Variants in MTCL2 observed in about 807,000 individuals in gnomAD.
MTCL2 encodes microtubule cross-linking factor 2.
chr20:36,811,748 G>A, the MTCL2 span, among the ~76,000 whole-genome samples: 1 of 152,102 alleles, frequency 6.6e-6, no homozygotes, highest in Non-Finnish European at 1.5e-5. Flanking sequence ...TAGAGAGTCT[G>A]ATCCATCAGC....
At chr20:36,859,974 A>G in the MTCL2 span, 6 of 1,170,856 alleles carry the variant, frequency 5.1e-6, no homozygotes, top group Non-Finnish European at 6.4e-6. Flanking sequence ...TAAACAACAC[A>G]ACACCTCCAG....
At chr20:36,786,094 A>G in the MTCL2 span, 1 of 985,572 alleles carries the variant, frequency 1.0e-6, no homozygotes, top group Non-Finnish European at 1.2e-6. Flanking sequence ...CATCTCTCCG[A>G]CTCCTTTTCC....
chr20:36,849,289 T>A, the MTCL2 span, among the ~76,000 whole-genome samples: 4 of 151,916 alleles, frequency 2.6e-5, no homozygotes, highest in African/African-American at 9.7e-5. Flanking sequence ...CTTGAACTCC[T>A]GACAGGTAAT....
the MTCL2 span, chr20:36,862,928 C>A: frequency 1.5e-6 from 2 of 1,364,598 alleles, no homozygotes; most frequent in South Asian, 1.5e-5. Context: ...CGCTGCTCAG[C>A]GCCAGCTCCA....
the MTCL2 span, chr20:36,794,140 G>A: frequency 7.0e-5 from 109 of 1,551,198 alleles, 1 homozygote; most frequent in Admixed American, 1.6e-4. This position sits in a 1 kb window ranked among gnomAD's most constrained non-coding sequence, Gnocchi z 5.4. Flanking sequence ...CTGAGCCTCC[G>A]TCCAGGCGCT....
the MTCL2 span, among the ~76,000 whole-genome samples, chr20:36,834,262 G>C: frequency 6.6e-6 from 1 of 152,170 alleles, no homozygotes; most frequent in African/African-American, 2.4e-5. Flanking sequence ...AGGAGGGTAG[G>C]AATGTCACCC....
chr20:36,785,609 GT>G, the MTCL2 span: 1 of 985,382 alleles, frequency 1.0e-6, no homozygotes, highest in South Asian at 4.7e-5. Flanking sequence ...GCCTCTCAGG[GT>G]GCCAGGGAAA....
the MTCL2 span, among the ~76,000 whole-genome samples, chr20:36,803,392 T>C: frequency 1.3e-5 from 2 of 152,174 alleles, no homozygotes; most frequent in African/African-American, 2.4e-5. Context: ...CTAGTGGTCA[T>C]TCCAGCAAGA....
At chr20:36,810,936 C>G in the MTCL2 span, among the ~76,000 whole-genome samples, 1 of 152,038 alleles carries the variant, frequency 6.6e-6, no homozygotes, top group East Asian at 1.9e-4. Context: ...TGCCCAGGCT[C>G]ATCTCGAACT....
chr20:36,810,086 G>T, the MTCL2 span: 1 of 1,597,778 alleles, frequency 6.3e-7, no homozygotes. Flanking sequence ...GCCTCAGCCA[G>T]CACCAGCTGC....
the MTCL2 span, chr20:36,780,467 T>C: frequency 1.3e-5 from 2 of 152,330 alleles, no homozygotes; most frequent in African/African-American, 2.4e-5. Flanking sequence ...ATCATTCTTT[T>C]AAAAAGGAAG....
At chr20:36,850,184 T>C in the MTCL2 span, among the ~76,000 whole-genome samples, 1 of 152,150 alleles carries the variant, frequency 6.6e-6, no homozygotes, top group African/African-American at 2.4e-5. Context: ...CCCACTCCCA[T>C]GGGACTCTGT....
chr20:36,827,932 C>T, the MTCL2 span, among the ~76,000 whole-genome samples: 1 of 152,182 alleles, frequency 6.6e-6, no homozygotes, highest in Non-Finnish European at 1.5e-5. Flanking sequence ...GGGCTAGCCA[C>T]CCTTAGCAGC....
At chr20:36,811,518 A>C in the MTCL2 span, among the ~76,000 whole-genome samples, 1 of 152,056 alleles carries the variant, frequency 6.6e-6, no homozygotes, top group Non-Finnish European at 1.5e-5. Flanking sequence ...AGTCCCACCT[A>C]ACTGGGAGGG....
the MTCL2 span, among the ~76,000 whole-genome samples, chr20:36,818,917 G>A: frequency 4.7e-3 from 711 of 152,326 alleles, 3 homozygotes; most frequent in African/African-American, 0.016. Context: ...AATGGATCAT[G>A]GCACATGAAG....
At chr20:36,810,717 C>CCTCTCTCTCTCTCTCTCTCTCTCTCTCT in the MTCL2 span, among the ~76,000 whole-genome samples, 67 of 94,264 alleles carry the variant, frequency 7.1e-4, 2 homozygotes, top group Non-Finnish European at 1.1e-3. Context: ...TCTCTCTCTC[C>CCTCTCTCTCTCTCTCTCTCTCTCTCTCT]CTCTCTCTCT....
the MTCL2 span, chr20:36,784,191 C>T: frequency 5.2e-5 from 51 of 986,090 alleles, no homozygotes; most frequent in Non-Finnish European, 6.1e-5. Flanking sequence ...ATGTGAATCC[C>T]CTCACCTGGA....
chr20:36,808,628 T>A, the MTCL2 span: 87 of 1,612,414 alleles, frequency 5.4e-5, no homozygotes, highest in Non-Finnish European at 7.2e-5. Flanking sequence ...CTGGGACTCC[T>A]GCACCAGCAT....
At chr20:36,804,025 G>A in the MTCL2 span, among the ~76,000 whole-genome samples, 1 of 151,464 alleles carries the variant, frequency 6.6e-6, no homozygotes, top group South Asian at 2.1e-4. Context: ...TAGAGGTTTG[G>A]GGGAGCAAGG....
Sources: allele counts gnomAD v4.1 joint callset (sites outside exome capture counted in the v4.1 genomes callset), GRCh38; gene constraint gnomAD v4.1.1; non-coding constraint Gnocchi (gnomAD v3.1); transcripts MANE v1.5; gene names NCBI Gene and HGNC (gene_info 2026-07-23, HGNC 2026-07-21).